Variants in ADAR observed in about 807,000 individuals in gnomAD.
ADAR encodes double-stranded RNA-specific adenosine deaminase.
ADAR carries 41 observed loss-of-function variants against 113.2 expected under a neutral mutation model. The observed-to-expected ratio is 0.36, with a 90% CI of 0.28 to 0.47. The LOEUF is 0.47. Among genes scored for constraint, ADAR ranks in the 20% least tolerant of loss-of-function variants. ADAR has a pLI of 1.00. For synonymous variants in ADAR, 605 were observed against 572.6 expected, an observed-to-expected ratio of 1.06 and a Z score of -0.81; for missense variants, 1,242 against 1,540.9, an observed-to-expected ratio of 0.81 and a Z score of 3.25.
chr1:154,612,947 G>A (rs1698530479), upstream of ADAR, among the ~76,000 whole-genome samples: 1 of 151,822 alleles, frequency 6.6e-6, no homozygotes, highest in Admixed American at 6.6e-5. Flanking sequence ...GAGTAGCTGG[G>A]ACTACAGGCA....
chr1:154,601,055 T>C lies in ADAR; in HGVS notation c.1587A>G (p.Pro529=). The C allele has an allele frequency of 6.2e-7, 1 of 1,614,032 alleles. No homozygotes were observed. The highest frequency in any genetic ancestry group is 8.5e-7 in the Non-Finnish European group (1 of 1,180,016). The change falls in exon 2 of 15, where the codon CCA becomes CCG. Residue 529 remains proline, a synonymous_variant. Transcript: ENST00000368474. This position sits in a 1 kb window ranked among gnomAD's most constrained non-coding sequence, Gnocchi z 4.7. ...CEFNMIEQSG[P]PHEPRFKFQV... is the part of the protein sequence containing the mutation. The stretch of plus-strand genomic sequence containing the variant: ...TGGTCTCTTACCGAGGTTCATGGGG[T>C]GGTCCACTCTGCTCTATCATGTTGA...
intron 1 of ADAR, among the ~76,000 whole-genome samples, chr1:154,626,403 C>T (rs1698940065): frequency 6.6e-6 from 1 of 152,010 alleles, no homozygotes; most frequent in Non-Finnish European, 1.5e-5. Flanking sequence ...GCATGAGCCA[C>T]TGCACCCGGC....
Position 154,589,944 on chromosome 1 carries a change from G to C in ADAR, c.2497-16C>G. 1 of 1,613,654 alleles carries C rather than the reference G, an allele frequency of 6.2e-7. No individual in the cohort carries two copies. The highest frequency in any genetic ancestry group is 1.1e-5 in the South Asian group (1 of 91,044). On this transcript the variant is annotated splice_polypyrimidine_tract_variant and intron_variant, in intron 7 of 14. Transcript: ENST00000368474. ...TGAGAGGGAGCTGTGGGGAAAAGAG[G>C]CTGTGTCAGCACCACAAAGCTGAGG...
rs1313329172 is a variant in ADAR at position 154,590,380 on chromosome 1, C to T, written c.2300G>A (p.Arg767His). The change falls in exon 7 of 15, where the codon CGC becomes CAC. Residue 767 changes from arginine to histidine, a missense_variant. Arg to His is a conservative substitution (Grantham distance 29, BLOSUM62 0). Around this residue, in one of 2 missense-constraint regions of ADAR, gnomAD observed 780 missense variants for 1,057.9 expected, o/e 0.74. Coordinates refer to ENST00000368474, the MANE Select transcript of ADAR (RefSeq NM_001111.5). The part of the protein sequence containing the change: ...KFVYQAKVGG[R>H]WFPAVCAHSK... The stretch of plus-strand genomic sequence containing the variant: ...GTGTGCGCAGACGGCTGGGAACCAG[C>T]GACCCCCAACTTTTGCTTGGTAAAC... 1.9e-6 allele frequency: 3 copies of T among 1,613,914 alleles called. No homozygotes were observed. The highest frequency in any genetic ancestry group is 1.1e-5 in the South Asian group (1 of 91,076).
upstream of ADAR, among the ~76,000 whole-genome samples, chr1:154,612,621 C>T (rs1190698282): frequency 6.6e-6 from 1 of 151,168 alleles, no homozygotes; most frequent in East Asian, 2.0e-4. Context: ...GCCACCACGC[C>T]CAGCCTGCTC....
intron 1 of ADAR, among the ~76,000 whole-genome samples, chr1:154,621,609 A>G (rs541728197): frequency 3.0e-4 from 46 of 152,372 alleles, no homozygotes; most frequent in African/African-American, 1.1e-3. Flanking sequence ...GTATGGGTAA[A>G]AAGGGCTCAA....
intron 10 of ADAR, 34 bp downstream of exon 10, chr1:154,588,517 G>A (rs752789655): frequency 1.9e-6 from 3 of 1,612,176 alleles, no homozygotes; most frequent in South Asian, 1.1e-5. Flanking sequence ...AGCCTGGCAG[G>A]GCCCACCCTG....
rs1359162160 is a variant in ADAR at position 154,590,075 on chromosome 1, C to CT, written c.2496+108dup. ...TGTCCCAGTTACTGCTCTCTCGAGG[C>CT]TAAGAGTAAAGCCTAGGAATAACTC... On this transcript the variant is annotated intron_variant, in intron 7 of 14. Transcript: ENST00000368474. The CT allele has an allele frequency of 3.3e-6, 5 of 1,499,628 alleles. No individual in the cohort carries two copies. The African/African-American group carries it at 5.6e-5, about 17-fold the overall frequency. 92.9% of individuals were successfully genotyped at this position (1,499,628 alleles called of 1,614,324 possible).
At position 154,601,956 on chromosome 1, in the gene ADAR, G is replaced by C. The variant is rs1338472867; in HGVS notation, c.686C>G (p.Pro229Arg). The C allele has an allele frequency of 6.2e-7, 1 of 1,614,082 alleles. No individual in the cohort carries two copies. The highest frequency in any genetic ancestry group is 1.3e-5 in the African/African-American group (1 of 75,004). ...GAPNSDPSLE[P>R]EDRNSTSVSE... ...GACAGATGTGGAGTTTCTGTCTTCC[G>C]GTTCCAAACTCGGGTCTGAGTTTGG... The change falls in exon 2 of 15, where the codon CCG becomes CGG. Residue 229 changes from proline to arginine, a missense_variant. Coordinates refer to ENST00000368474, the MANE Select transcript of ADAR (RefSeq NM_001111.5). This position sits in a 1 kb window ranked among gnomAD's most constrained non-coding sequence, Gnocchi z 4.7.
chr1:154,598,946 C>T (rs1697688529), intron 2 of ADAR, among the ~76,000 whole-genome samples: 1 of 152,056 alleles, frequency 6.6e-6, no homozygotes, highest in Non-Finnish European at 1.5e-5. Flanking sequence ...ACCAAAAGAC[C>T]TTCATTCTAA....
chr1:154,606,664 C>A (rs1698208699), intron 1 of ADAR, among the ~76,000 whole-genome samples: 1 of 152,116 alleles, frequency 6.6e-6, no homozygotes, highest in South Asian at 2.1e-4. Flanking sequence ...TGGAAAGCTA[C>A]GGAATAGGAG....
upstream of ADAR, among the ~76,000 whole-genome samples, chr1:154,610,808 C>CAAAAAAAAAAAAAAAAAAAAAAAAAAAAA (rs1369386387): frequency 2.5e-5 from 1 of 40,530 alleles, no homozygotes; most frequent in Non-Finnish European, 6.5e-5. Context: ...GACACCGTCT[C>CAAAAAAAAAAAAAAAAAAAAAAAAAAAAA]AAAAAAAAAA....
upstream of ADAR, among the ~76,000 whole-genome samples, chr1:154,608,379 A>G (rs1370771402): frequency 6.9e-6 from 1 of 144,216 alleles, no homozygotes; most frequent in Non-Finnish European, 1.5e-5. Context: ...CCCAGGCTGG[A>G]GTGCAATGGC....
Position 154,602,025 on chromosome 1 carries a change from T to C in ADAR, c.617A>G (p.Gln206Arg), listed in dbSNP as rs2101642890. 1 of 1,614,264 alleles carries C rather than the reference T, an allele frequency of 6.2e-7. No homozygotes were observed. Among genetic ancestry groups the C allele is most frequent in the East Asian group, 2.2e-5 (1 of 44,886 alleles). The change falls in exon 2 of 15, where the codon CAG (glutamine) becomes CGG (arginine). Residue 206 changes from glutamine to arginine, a missense_variant. Coordinates refer to ENST00000368474, the MANE Select transcript of ADAR (RefSeq NM_001111.5). ...GTCTGGTCTTACCACTCCGCTGTGC[T>C]GGTTCCAAGCCTGAGTGGAGACCGC... Reference protein sequence around the residue: ...KIAVSTQAWNQHSGVVRPDGH... With the variant: ...KIAVSTQAWNRHSGVVRPDGH...
At chr1:154,621,100 A>AC (rs1378134486) in intron 1 of ADAR, among the ~76,000 whole-genome samples, 1 of 152,252 alleles carries the variant, frequency 6.6e-6, no homozygotes, top group Non-Finnish European at 1.5e-5. Flanking sequence ...GCTGTTCGCT[A>AC]TTCTGATAAA....
rs759076636 is a variant in ADAR, at chr1:154,601,474, G to A, written c.1168C>T (p.Leu390Phe). ...TTTGATGTGGGTATATTACAGGTGA[G>A]GAACTCTGCGTTTCTTTTGGTCTCA... ...IPETKRNAEF[L>F]TCNIPTSNAS... The change falls in exon 2 of 15, where the codon CTC becomes TTC. Residue 390 changes from leucine to phenylalanine, a missense_variant. Leu to Phe is a conservative substitution (Grantham distance 22). Coordinates refer to ENST00000368474, the MANE Select transcript of ADAR (RefSeq NM_001111.5). The surrounding 1 kb of genome is among the most constrained non-coding windows in gnomAD (Gnocchi z 4.7). 3.1e-6 allele frequency: 5 copies of A among 1,614,174 alleles called. No homozygotes were observed. The East Asian group carries it at 8.9e-5, about 29-fold the overall frequency.
At chr1:154,585,996 G>GCCTT (rs952415999) in intron 12 of ADAR, 131 bp from the exon 13 acceptor site, 6 of 1,170,606 alleles carry the variant, frequency 5.1e-6, no homozygotes, top group Non-Finnish European at 7.5e-6. Flanking sequence ...TTGTTAGGAA[G>GCCTT]CACCTTCTGA....
At chr1:154,609,424 A>G (rs1179823853), upstream of ADAR, among the ~76,000 whole-genome samples, 1 of 152,198 alleles carries the variant, frequency 6.6e-6, no homozygotes, top group Non-Finnish European at 1.5e-5. Flanking sequence ...CAGTCCCTTT[A>G]TAGCAGTATC....
intron 10 of ADAR, 130 bp downstream of exon 10, chr1:154,588,411 CACCTGAATAT>C (rs1696906559): frequency 4.0e-6 from 6 of 1,489,546 alleles, no homozygotes; most frequent in Non-Finnish European, 5.6e-6. Flanking sequence ...GAGTCATCTA[CACCTGAATAT>C]GGACCTCAAA....
Sources: allele counts gnomAD v4.1 joint callset (sites outside exome capture counted in the v4.1 genomes callset), GRCh38; gene constraint gnomAD v4.1.1; regional missense constraint gnomAD v4.1.1; non-coding constraint Gnocchi (gnomAD v3.1); transcripts MANE v1.5; gene names NCBI Gene and HGNC (gene_info 2026-07-23, HGNC 2026-07-21).